The following RPRD2 variants were observed in gnomAD, a reference collection of about 807,000 sequenced individuals.
RPRD2 encodes regulation of nuclear pre-mRNA domain containing 2, also known as regulation of nuclear pre-mRNA domain-containing protein 2.
A neutral mutation model predicts 104.4 loss-of-function variants in RPRD2; 12 were observed. The observed-to-expected ratio is 0.11, with a 90% CI of 0.07 to 0.19. The LOEUF is 0.19. Ranked by LOEUF, RPRD2 falls within the 10% of genes least tolerant of loss-of-function variation. RPRD2 has a pLI of 1.00. For synonymous variants in RPRD2, 714 were observed against 684.9 expected, an observed-to-expected ratio of 1.04 and a Z score of -0.66; for missense variants, 1,543 against 1,790.1, an observed-to-expected ratio of 0.86 and a Z score of 2.49.
intron 6 of RPRD2, 82 bp downstream of exon 6, chr1:150,444,459 A>C: frequency 2.6e-4 from 369 of 1,398,584 alleles, no homozygotes; most frequent in Non-Finnish European, 3.3e-4. Flanking sequence ...GGTTTACCTC[A>C]TAAGGAGATC....
At chr1:150,452,678 T>C (rs1667269312) in intron 7 of RPRD2, among the ~76,000 whole-genome samples, 1 of 144,896 alleles carries the variant, frequency 6.9e-6, no homozygotes, top group Non-Finnish European at 1.5e-5. Context: ...TTTTTTTTTT[T>C]TTTTTTTTGA....
intron 2 of RPRD2, among the ~76,000 whole-genome samples, chr1:150,427,542 T>G (rs1297296146): frequency 6.6e-6 from 1 of 151,956 alleles, no homozygotes; most frequent in Non-Finnish European, 1.5e-5. Flanking sequence ...CTCACACTTG[T>G]AATCCCAATA....
rs60436957 is a variant in RPRD2 at position 150,384,450 on chromosome 1, CATTATTATTATT to C, written c.205+19563_205+19574del. ...CAGAAGGAATAAAAGGCATCATCATCATTATTATTATTATTATTATTATTATTATTATTATTA... is the reference window on the plus strand; with the variant it reads ...CAGAAGGAATAAAAGGCATCATCATCATTATTATTATTATTATTATTATTA... On this transcript the variant is annotated intron_variant, in intron 1 of 10. Coordinates refer to ENST00000369068, the MANE Select transcript of RPRD2 (RefSeq NM_015203.5). Among the ~76,000 whole-genome samples, 95 of 132,302 alleles carry C rather than the reference CATTATTATTATT, an allele frequency of 7.2e-4. 1 individual carries two copies. Among genetic ancestry groups the C allele is most frequent in the South Asian group, 5.3e-3 (24 of 4,522 alleles). The allele number at this position is 132,302 out of a possible 152,430, so 86.8% of individuals were successfully genotyped here.
chr1:150,426,530 C>T (rs934726835), intron 2 of RPRD2, among the ~76,000 whole-genome samples: 3 of 152,172 alleles, frequency 2.0e-5, no homozygotes, highest in African/African-American at 4.8e-5. Flanking sequence ...CTCTAAAAAT[C>T]GGTGAGCTAA....
Position 150,435,159 on chromosome 1 carries a change from C to A in RPRD2, c.336-5764C>A, listed in dbSNP as rs371263946. 1.2e-4 allele frequency among the ~76,000 whole-genome samples: 18 copies of A among 152,266 alleles called. No individual in the cohort carries two copies. The South Asian group carries it at 3.5e-3, about 30-fold the overall frequency. ...AATTGTTTTTACATATTCCTAACTT[C>A]GTCCATGTAAGACCGTGAACTTAAT... On this transcript the variant is annotated intron_variant, in intron 2 of 10. Coordinates refer to ENST00000369068, the MANE Select transcript of RPRD2 (RefSeq NM_015203.5).
chr1:150,375,053 A>G, intron 1 of RPRD2, among the ~76,000 whole-genome samples: 1 of 150,370 alleles, frequency 6.7e-6, no homozygotes, highest in African/African-American at 2.5e-5. Flanking sequence ...ATAGAGTTAT[A>G]GGTGGTATTT....
At chr1:150,389,797 G>A (rs1661922552) in intron 1 of RPRD2, among the ~76,000 whole-genome samples, 1 of 152,134 alleles carries the variant, frequency 6.6e-6, no homozygotes, top group Non-Finnish European at 1.5e-5. Context: ...AGGTTTCCAA[G>A]GGTCTGTTCA....
chr1:150,466,011 C>CAA (rs71578500), intron 10 of RPRD2, among the ~76,000 whole-genome samples: 14,724 of 67,026 alleles, frequency 0.22, 763 homozygotes, highest in Non-Finnish European at 0.26. Context: ...AGACTCAGTC[C>CAA]AAAAAAAAAA....
At chr1:150,463,595 A>G (rs1668078791) in intron 9 of RPRD2, among the ~76,000 whole-genome samples, 1 of 152,204 alleles carries the variant, frequency 6.6e-6, no homozygotes, top group Admixed American at 6.5e-5. Context: ...TTTTTAAAAT[A>G]ACAAATGTTT....
At chr1:150,465,873 A>G (rs1396306899) in intron 10 of RPRD2, among the ~76,000 whole-genome samples, 5 of 151,684 alleles carry the variant, frequency 3.3e-5, no homozygotes, top group Admixed American at 1.3e-4. Flanking sequence ...AGCCTGGCCA[A>G]CCAGGTGAAA....
intron 10 of RPRD2, among the ~76,000 whole-genome samples, chr1:150,466,829 G>A (rs139977575): frequency 0.017 from 2,604 of 152,038 alleles, 74 homozygotes; most frequent in African/African-American, 0.057. Flanking sequence ...TTTAAGTACC[G>A]TAGTATAATT....
At chr1:150,451,722 C>T (rs1021121021) in intron 7 of RPRD2, among the ~76,000 whole-genome samples, 1 of 151,188 alleles carries the variant, frequency 6.6e-6, no homozygotes, top group Middle Eastern at 3.5e-3. Flanking sequence ...TGTGTTGAAG[C>T]CCTAACCTTC....
At chr1:150,376,660 C>G (rs1159190946) in intron 1 of RPRD2, among the ~76,000 whole-genome samples, 1 of 151,742 alleles carries the variant, frequency 6.6e-6, no homozygotes, top group African/African-American at 2.4e-5. Context: ...GCCACCACGC[C>G]CGGCTGATTT....
chr1:150,439,112 C>A (rs775473302), intron 2 of RPRD2, among the ~76,000 whole-genome samples: 1 of 152,118 alleles, frequency 6.6e-6, no homozygotes, highest in Non-Finnish European at 1.5e-5. Context: ...CGATTACAGG[C>A]ATGAGCCACC....
chr1:150,460,247 C>T lies in RPRD2; in HGVS notation c.1341C>T (p.Asn447=), dbSNP rs1472323418. ...CTTCCCCAGCATTGGCTTTGCCAAA[C>T]CTGGCTAATGTGGATCTGGCAAAGA... ...LSPSPALALP[N]LANVDLAKIS... The change falls in exon 9 of 11, where the codon AAC becomes AAT. Residue 447 remains asparagine, a synonymous_variant. Coordinates refer to ENST00000369068, the MANE Select transcript of RPRD2 (RefSeq NM_015203.5). 6.2e-7 allele frequency: 1 copy of T among 1,613,432 alleles called. No homozygotes were observed. The highest frequency in any genetic ancestry group is 1.3e-5 in the African/African-American group (1 of 74,930).
At chr1:150,459,871 A>G (rs1404265016) in intron 8 of RPRD2, among the ~76,000 whole-genome samples, 189 bp from the exon 9 acceptor site, 4 of 152,182 alleles carry the variant, frequency 2.6e-5, no homozygotes, top group Non-Finnish European at 5.9e-5. Context: ...TTAAGCAGAT[A>G]TTAAAGGTGG....
intron 1 of RPRD2, among the ~76,000 whole-genome samples, chr1:150,411,404 T>G (rs1437656748): frequency 7.3e-6 from 1 of 137,738 alleles, no homozygotes; most frequent in Non-Finnish European, 1.5e-5. Context: ...GAGGTTGCAG[T>G]GAGCCGAGAT....
intron 1 of RPRD2, among the ~76,000 whole-genome samples, chr1:150,370,548 TTG>T (rs1660222215): frequency 6.6e-6 from 1 of 151,086 alleles, no homozygotes; most frequent in Admixed American, 6.6e-5. Flanking sequence ...ATGGAAAATA[TTG>T]TGTTAATGAC....
chr1:150,428,610 G>C (rs1484635421), intron 2 of RPRD2, among the ~76,000 whole-genome samples: 1 of 151,966 alleles, frequency 6.6e-6, no homozygotes, highest in Non-Finnish European at 1.5e-5. Flanking sequence ...CTCCCAAGTA[G>C]CTGGCACTAG....
Sources: allele counts gnomAD v4.1 joint callset (sites outside exome capture counted in the v4.1 genomes callset), GRCh38; gene constraint gnomAD v4.1.1; transcripts MANE v1.5; gene names NCBI Gene and HGNC (gene_info 2026-07-23, HGNC 2026-07-21).